Variants in SLC27A5 observed in about 807,000 individuals in gnomAD.
The protein encoded by SLC27A5 is long-chain fatty acid transport protein 5.
Under a neutral mutation model 63.1 loss-of-function variants are expected in SLC27A5, and 47 were observed. The ratio of observed to expected loss-of-function variants is 0.74; its 90% CI spans 0.59 to 0.95. SLC27A5 has a LOEUF of 0.95. SLC27A5 is among the 40% of genes least tolerant of loss of function. The pLI is 0.00. For missense variants in SLC27A5, 940 were observed against 921.0 expected, an observed-to-expected ratio of 1.02 and a Z score of -0.27; for synonymous variants, 391 against 403.8, an observed-to-expected ratio of 0.97 and a Z score of 0.38.
chr19:58,499,821 G>A, intron 6 of SLC27A5, 131 bp from the exon 7 acceptor site: 1 of 783,406 alleles, frequency 1.3e-6, no homozygotes, highest in East Asian at 2.7e-5. Flanking sequence ...CAGACAGGGA[G>A]ATCCAGAGAT....
At chr19:58,499,408 C>G (rs1164222051) in intron 7 of SLC27A5, 84 bp downstream of exon 7, 2 of 1,476,222 alleles carry the variant, frequency 1.4e-6, no homozygotes, top group African/African-American at 1.4e-5. Context: ...AGGAAAGTCC[C>G]GCCTCTTCAG....
chr19:58,506,289 C>T (rs2053346294), intron 3 of SLC27A5, among the ~76,000 whole-genome samples: 1 of 152,098 alleles, frequency 6.6e-6, no homozygotes, highest in Admixed American at 6.5e-5. Context: ...AATCCCAGCA[C>T]TTTGGGAGGC....
chr19:58,503,154 G>A (rs943303501), intron 3 of SLC27A5, among the ~76,000 whole-genome samples: 2 of 151,050 alleles, frequency 1.3e-5, no homozygotes, highest in African/African-American at 2.4e-5. Flanking sequence ...GCAGTGAGCC[G>A]AGATAGCGCC....
intron 3 of SLC27A5, among the ~76,000 whole-genome samples, chr19:58,503,167 T>C (rs1366019275): frequency 6.8e-6 from 1 of 148,074 alleles, no homozygotes; most frequent in Non-Finnish European, 1.5e-5. Flanking sequence ...ATAGCGCCAC[T>C]GCACTCCAGC....
At chr19:58,499,307 C>G in intron 7 of SLC27A5, 87 bp from the exon 8 acceptor site, 5 of 1,369,446 alleles carry the variant, frequency 3.7e-6, no homozygotes, top group Middle Eastern at 2.0e-4. Context: ...TTTTGGGGAT[C>G]AGGAGGCCCA....
rs773619884 is a variant in SLC27A5, at chr19:58,500,604, A to G, written c.1285T>C (p.Trp429Arg). 1 of 1,614,006 alleles carries G rather than the reference A, an allele frequency of 6.2e-7. No homozygotes were observed. The highest frequency in any genetic ancestry group is 8.5e-7 in the Non-Finnish European group (1 of 1,180,036). Residue 429 changes from tryptophan to arginine, a missense_variant, in exon 5 of 10, where the codon TGG becomes CGG. Physicochemically the swap from Trp to Arg is moderately radical, Grantham distance 101. Coordinates refer to ENST00000263093, the MANE Select transcript of SLC27A5 (RefSeq NM_012254.3). The stretch of plus-strand genomic sequence containing the variant: ...CCTTCTGTGGAGCCGTAGACTTCCC[A>G]GATCCGAATAGGACCGAAGCGCTGC... ...FQQRFGPIRI[W>R]EVYGSTEGNM...
At chr19:58,508,523 T>C (rs893716778) in intron 3 of SLC27A5, 1 of 140,852 alleles carries the variant, frequency 7.1e-6, no homozygotes, top group East Asian at 2.1e-4. Context: ...ACCACTGCAC[T>C]CCAGCCTGGG....
Position 58,499,523 on chromosome 19 carries a change from A to G in SLC27A5, c.1636T>C (p.Tyr546His). 1 of 1,612,976 alleles carries G rather than the reference A, an allele frequency of 6.2e-7. No individual in the cohort carries two copies. The highest frequency in any genetic ancestry group is 8.5e-7 in the Non-Finnish European group (1 of 1,179,994). The change falls in exon 7 of 10, where the codon TAC becomes CAC. Residue 546 changes from tyrosine to histidine, a missense_variant. Coordinates refer to ENST00000263093, the MANE Select transcript of SLC27A5 (RefSeq NM_012254.3). ...GTGTCCCCGAGGCGGTCGCGGAAGT[A>G]GAGGAAGCCTTCGCGGTCCATGGCC... ...VLAMDREGFLYFRDRLGDTFR... is the reference protein window; with the variant it reads ...VLAMDREGFLHFRDRLGDTFR...
At chr19:58,508,342 AG>A (rs146479851) in intron 3 of SLC27A5, 34,381 of 151,818 alleles carry the variant, frequency 0.23, 4,628 homozygotes, top group Non-Finnish European at 0.3. Context: ...GAGGATCATG[AG>A]GTCAGGAGAT....
Position 58,498,813 on chromosome 19 carries a change from T to C in SLC27A5, c.1868A>G (p.Tyr623Cys). The C allele has an allele frequency of 6.2e-7, 1 of 1,613,982 alleles. No homozygotes were observed. The highest frequency in any genetic ancestry group is 8.5e-7 in the Non-Finnish European group (1 of 1,180,006). ...GATGCGGATGAAATGGGGGGTAGCG[T>C]AGGCAGGGAGCCAAGCGCGAACGTG... ...YQHVRAWLPA[Y>C]ATPHFIRIQD... Residue 623 changes from tyrosine to cysteine, a missense_variant, in exon 9 of 10, where the codon TAC becomes TGC. Physicochemically the swap from Tyr to Cys is radical, Grantham distance 194 (BLOSUM62 -2). Coordinates refer to ENST00000263093, the MANE Select transcript of SLC27A5 (RefSeq NM_012254.3).
At position 58,498,940 on chromosome 19, in the gene SLC27A5, GGCTGACCCATCTCGAGGGCCCATA is replaced by G. The variant is rs780829121; in HGVS notation, c.1766-49_1766-26del. ...CCTAGAGAGCAGTCTGGTCACTCTC[GGCTGACCCATCTCGAGGGCCCATA>G]GCTGACCCTCCAGCCTCGCCCAGCT... On this transcript the variant is annotated intron_variant, in intron 8 of 9. Transcript: ENST00000263093. The G allele has an allele frequency of 7.5e-6, 12 of 1,604,226 alleles. No homozygotes were observed. The East Asian group carries it at 1.8e-4, about 24-fold the overall frequency.
chr19:58,500,098 A>T (rs1361040196), intron 6 of SLC27A5, among the ~76,000 whole-genome samples: 15 of 151,934 alleles, frequency 9.9e-5, no homozygotes, highest in Admixed American at 9.8e-4. Context: ...AATCAGATGG[A>T]CACCCAGAGA....
chr19:58,501,384 A>G lies in SLC27A5; in HGVS notation c.1084T>C (p.Phe362Leu). The G allele has an allele frequency of 2.5e-6, 4 of 1,613,718 alleles. No homozygotes were observed. The highest frequency in any genetic ancestry group is 3.4e-6 in the Non-Finnish European group (4 of 1,179,770). Reference sequence around the variant, plus strand: ...TCATCCCAGAAGCAGGAAGTAGAGAACTTGGGGGCCAGAACACAGGTGGCT... The same window carrying G: ...TCATCCCAGAAGCAGGAAGTAGAGAGCTTGGGGGCCAGAACACAGGTGGCT... ...LGATCVLAPK[F>L]STSCFWDDCR... The change falls in exon 4 of 10, where the codon TTC becomes CTC. Residue 362 changes from phenylalanine (F) to leucine (L), a missense_variant. Transcript: ENST00000263093.
rs182490655 is a variant in SLC27A5, at chr19:58,499,761, C to G, written c.1469-71G>C. On this transcript the variant is annotated intron_variant, in intron 6 of 9. Coordinates refer to ENST00000263093, the MANE Select transcript of SLC27A5 (RefSeq NM_012254.3). ...GCCCCCTGCTGGAGGTTTTCAACAA[C>G]GGTGGACTCTTCATCACCCAGCACC... 6.5e-3 allele frequency: 9,538 copies of G among 1,466,286 alleles called. 42 individuals are homozygous for G. Among genetic ancestry groups the G allele is most frequent in the Non-Finnish European group, 7.9e-3 (8,472 of 1,067,320 alleles). The allele number at this position is 1,466,286 out of a possible 1,614,324, so 90.8% of individuals were successfully genotyped here. A position where few individuals can be genotyped will look rare whatever the true frequency, so the allele number is the denominator to read the frequency against.
intron 3 of SLC27A5, among the ~76,000 whole-genome samples, chr19:58,505,016 A>C (rs1252932690): frequency 6.6e-6 from 1 of 152,076 alleles, no homozygotes; most frequent in African/African-American, 2.4e-5. Flanking sequence ...AAAGAAAAAA[A>C]AAAAAAGAAA....
At position 58,511,020 on chromosome 19, in the gene SLC27A5, A is replaced by G. The variant is rs566586670; in HGVS notation, c.689-90T>C. The G allele has an allele frequency of 6.0e-4, 650 of 1,088,048 alleles. 3 individuals are homozygous for G. In the African/African-American group the frequency reaches 9.3e-3, roughly 16 times the overall value. 67.4% of individuals were successfully genotyped at this position (1,088,048 alleles called of 1,614,324 possible). On this transcript the variant is annotated intron_variant, in intron 1 of 9. Transcript: ENST00000263093. ...TGAGACCCACAGATGCAGGCAGAGG[A>G]GCAGCTAGTAGAGAAAAGCATCCAT...
At position 58,500,942 on chromosome 19, in the gene SLC27A5, G is replaced by C. The variant is rs567072871; in HGVS notation, c.1183-236C>G. On this transcript the variant is annotated intron_variant, in intron 4 of 9. Coordinates refer to ENST00000263093, the MANE Select transcript of SLC27A5 (RefSeq NM_012254.3). ...GAGCTTTGCCTGGGGGACGTTACCA[G>C]AGGTGACTGGAGGCCTCATCTGGGG... 3 of 1,374,384 alleles carry C rather than the reference G, an allele frequency of 2.2e-6. No homozygotes were observed. The East Asian group carries it at 7.9e-5, about 36-fold the overall frequency. The allele number at this position is 1,374,384 out of a possible 1,614,324, so 85.1% of individuals were successfully genotyped here. A position where few individuals can be genotyped will look rare whatever the true frequency, so the allele number is the denominator to read the frequency against.
chr19:58,510,409 A>G (rs566980196), intron 2 of SLC27A5: 30 of 338,422 alleles, frequency 8.9e-5, no homozygotes, highest in South Asian at 7.1e-4. Context: ...CCCTGTCTCT[A>G]CCAAAAATAC....
At chr19:58,501,514 G>T in intron 3 of SLC27A5, 104 bp from the exon 4 acceptor site, 1 of 1,270,662 alleles carries the variant, frequency 7.9e-7, no homozygotes, top group Non-Finnish European at 1.1e-6. Flanking sequence ...TGAAATACAG[G>T]ACAATACTGA....
Sources: gnomAD v4.1 joint callset for allele counts (sites outside exome capture counted in the v4.1 genomes callset) on GRCh38, gnomAD v4.1.1 for gene constraint, MANE v1.5 for transcripts, NCBI Gene and HGNC (gene_info 2026-07-23, HGNC 2026-07-21) for gene names.